MALRD1: variants seen among roughly 807,000 people sequenced by gnomAD.
The protein encoded by MALRD1 is MAM and LDL-receptor class A domain-containing protein 1.
A neutral mutation model predicts 242.1 loss-of-function variants in MALRD1; 247 were observed. That is an observed-to-expected ratio of 1.02 (90% CI 0.92 to 1.13). MALRD1 has a LOEUF of 1.13. MALRD1 is among the 50% of genes most tolerant of loss of function. The pLI is 0.00. For missense variants in MALRD1, 2,989 were observed against 2,533.1 expected, an observed-to-expected ratio of 1.18 and a Z score of -3.86; for synonymous variants, 995 against 866.6, an observed-to-expected ratio of 1.15 and a Z score of -2.60.
At chr10:19,423,121 G>A (rs181334172) in intron 28 of MALRD1, among the ~76,000 whole-genome samples, 330 of 152,214 alleles carry the variant, frequency 2.2e-3, no homozygotes, top group African/African-American at 7.6e-3. Flanking sequence ...AGCAAGTTTT[G>A]GGAAGCCTAG....
Position 19,048,900 on chromosome 10 carries a change from T to C in MALRD1, c.-39T>C, listed in dbSNP as rs1564360301. On this transcript the variant is annotated 5_prime_UTR_variant, in exon 1 of 40. Transcript: ENST00000454679. ...GAATGTTTCCAATGATGGACTTACT[T>C]ATTACAACTGCTTGATCTCTAATAG... 1.6e-6 allele frequency: 2 copies of C among 1,214,272 alleles called. No homozygotes were observed. Among genetic ancestry groups the C allele is most frequent in the African/African-American group, 3.1e-5 (2 of 64,072 alleles). The allele number at this position is 1,214,272 out of a possible 1,614,324, so 75.2% of individuals were successfully genotyped here.
chr10:19,109,162 T>G lies in MALRD1; in HGVS notation c.694+5087T>G, dbSNP rs567627197. Among the ~76,000 whole-genome samples, 3 of 152,212 alleles carry G rather than the reference T, an allele frequency of 2.0e-5. No homozygotes were observed. In the South Asian group the frequency reaches 6.2e-4, roughly 32 times the overall value. Reference sequence around the variant, plus strand: ...CCTGAAGGTGTCTCATTGGCTCAGGTTATAGGAGTTTGTGCAGCTCCTTGG... The same window carrying G: ...CCTGAAGGTGTCTCATTGGCTCAGGGTATAGGAGTTTGTGCAGCTCCTTGG... On this transcript the variant is annotated intron_variant, in intron 5 of 39. Coordinates refer to ENST00000454679, the MANE Select transcript of MALRD1 (RefSeq NM_001142308.3).
At position 19,542,744 on chromosome 10, in the gene MALRD1, A is replaced by G. The variant is rs191507194; in HGVS notation, c.5478+11393A>G. On this transcript the variant is annotated intron_variant, in intron 32 of 39. Coordinates refer to ENST00000454679, the MANE Select transcript of MALRD1 (RefSeq NM_001142308.3). ...TGTTAGAAATACAGAGAGAAACCAT[A>G]ATCTTCTCTATCCTTATTGTTTTTG... Among the ~76,000 whole-genome samples, 36 of 152,252 alleles carry G rather than the reference A, an allele frequency of 2.4e-4. 1 individual carries two copies. Among genetic ancestry groups the G allele is most frequent in the Admixed American group, 2.0e-3 (30 of 15,292 alleles).
At chr10:19,482,009 C>T (rs182533328) in intron 29 of MALRD1, among the ~76,000 whole-genome samples, 12 of 151,974 alleles carry the variant, frequency 7.9e-5, no homozygotes, top group Non-Finnish European at 1.3e-4. Flanking sequence ...ATACATGTTT[C>T]TGGCATGAAT....
chr10:19,414,765 A>C (rs1025251236), intron 28 of MALRD1, among the ~76,000 whole-genome samples: 1 of 151,928 alleles, frequency 6.6e-6, no homozygotes, highest in Admixed American at 6.6e-5. Context: ...TCCCCCAAGA[A>C]CTCTACAGGC....
intron 10 of MALRD1, among the ~76,000 whole-genome samples, chr10:19,141,610 A>AAT (rs145126648): frequency 0.077 from 11,606 of 150,820 alleles, 535 homozygotes; most frequent in Non-Finnish European, 0.11. Context: ...ATATAGGAAA[A>AAT]ATATATATAT....
At chr10:19,530,418 A>ATATAAATTTATATATATATTTAT (rs1200557957) in intron 31 of MALRD1, among the ~76,000 whole-genome samples, 1 of 83,770 alleles carries the variant, frequency 1.2e-5, no homozygotes, top group Non-Finnish European at 2.1e-5. Flanking sequence ...TTTATATAAT[A>ATATAAATTTATATATATATTTAT]ATAAATATAT....
chr10:19,124,191 G>A (rs1362390525), intron 6 of MALRD1, among the ~76,000 whole-genome samples: 2 of 152,118 alleles, frequency 1.3e-5, no homozygotes, highest in African/African-American at 4.8e-5. Context: ...CATTTGGCCT[G>A]GGTGGCAGAA....
intron 32 of MALRD1, among the ~76,000 whole-genome samples, chr10:19,546,472 T>A (rs1835212195): frequency 6.6e-6 from 1 of 152,226 alleles, no homozygotes; most frequent in Non-Finnish European, 1.5e-5. Context: ...TTACTCATCT[T>A]GTCTGTTCTG....
At chr10:19,541,240 T>C (rs1006261552) in intron 32 of MALRD1, among the ~76,000 whole-genome samples, 1 of 152,216 alleles carries the variant, frequency 6.6e-6, no homozygotes, top group African/African-American at 2.4e-5. Context: ...TTACAAGTGG[T>C]GTTAAACTGC....
chr10:19,320,222 A>C (rs1842866929), intron 21 of MALRD1, among the ~76,000 whole-genome samples: 1 of 148,966 alleles, frequency 6.7e-6, no homozygotes, highest in Non-Finnish European at 1.5e-5. Flanking sequence ...CCCTCCCCTT[A>C]CCCCTACCCC....
At chr10:19,512,071 G>T (rs575442124) in intron 31 of MALRD1, among the ~76,000 whole-genome samples, 1 of 152,202 alleles carries the variant, frequency 6.6e-6, no homozygotes, top group Admixed American at 6.5e-5. Flanking sequence ...GCTGCAGTAT[G>T]ATTGCTTAAA....
intron 9 of MALRD1, among the ~76,000 whole-genome samples, chr10:19,134,897 C>T (rs976587851): frequency 4.6e-5 from 7 of 151,914 alleles, no homozygotes; most frequent in African/African-American, 1.7e-4. Context: ...AGTTTAAAAC[C>T]ATCAATTTTT....
At chr10:19,100,549 A>G (rs1836213219) in intron 4 of MALRD1, among the ~76,000 whole-genome samples, 1 of 152,216 alleles carries the variant, frequency 6.6e-6, no homozygotes, top group African/African-American at 2.4e-5. Context: ...GGAACTCTCA[A>G]GGTCATTTTG....
intron 21 of MALRD1, among the ~76,000 whole-genome samples, chr10:19,300,049 G>A (rs1343760527): frequency 1.3e-5 from 2 of 151,830 alleles, no homozygotes; most frequent in Non-Finnish European, 2.9e-5. Flanking sequence ...ATGTACAAAA[G>A]TCAGTAACAT....
chr10:19,228,302 C>T (rs917953467), intron 18 of MALRD1, among the ~76,000 whole-genome samples: 1 of 152,062 alleles, frequency 6.6e-6, no homozygotes, highest in Admixed American at 6.6e-5. Flanking sequence ...ATGAAAGACA[C>T]CAATGTATCA....
At chr10:19,209,721 C>A (rs1836958322) in intron 18 of MALRD1, 41 bp downstream of exon 18, 3 of 1,463,496 alleles carry the variant, frequency 2.0e-6, no homozygotes, top group Non-Finnish European at 2.7e-6. Flanking sequence ...TGAAATGCAT[C>A]TGAATGTCTA....
At chr10:19,122,305 G>C (rs1837092240) in intron 5 of MALRD1, among the ~76,000 whole-genome samples, 1 of 152,156 alleles carries the variant, frequency 6.6e-6, no homozygotes, top group African/African-American at 2.4e-5. Flanking sequence ...TTGGGGAGTG[G>C]ACCACTTGAA....
intron 20 of MALRD1, among the ~76,000 whole-genome samples, chr10:19,281,436 G>A (rs574671836): frequency 5.3e-5 from 8 of 152,292 alleles, no homozygotes; most frequent in African/African-American, 1.4e-4. Context: ...TAGTGATGTC[G>A]TTTATGATTA....
Sources: allele counts gnomAD v4.1 joint callset (sites outside exome capture counted in the v4.1 genomes callset), GRCh38; gene constraint gnomAD v4.1.1; transcripts MANE v1.5; gene names NCBI Gene and HGNC (gene_info 2026-07-23, HGNC 2026-07-21).